Variants in AGBL4 observed in about 807,000 individuals in gnomAD.
AGBL4 encodes the protein AGBL carboxypeptidase 4, also known as cytosolic carboxypeptidase 6.
In AGBL4, 58 loss-of-function variants were observed where a neutral mutation model predicts 66.4. That is an observed-to-expected ratio of 0.87 (90% CI 0.71 to 1.09). The LOEUF (loss-of-function observed/expected upper bound fraction) is 1.09, where lower values mean the gene tolerates loss of function less well. Ranked by LOEUF, AGBL4 falls within the 50% of genes least tolerant of loss-of-function variation. The probability of loss-of-function intolerance (pLI) is 0.00; values close to 1 mark genes in which losing one functional copy is unlikely to be tolerated. For missense variants in AGBL4, 579 were observed against 631.0 expected, an observed-to-expected ratio of 0.92 and a Z score of 0.88; for synonymous variants, 234 against 222.9, an observed-to-expected ratio of 1.05 and a Z score of -0.44.
intron 3 of AGBL4, among the ~76,000 whole-genome samples, chr1:49,388,143 T>C (rs959290022): frequency 6.6e-6 from 1 of 152,162 alleles, no homozygotes; most frequent in African/African-American, 2.4e-5. Flanking sequence ...ACCATCATCC[T>C]ATGCCTCTTC....
intron 9 of AGBL4, among the ~76,000 whole-genome samples, chr1:48,598,555 T>A (rs1406424066): frequency 6.6e-6 from 1 of 151,766 alleles, no homozygotes; most frequent in African/African-American, 2.4e-5. Context: ...GGCAGGCGGA[T>A]CAATTGAGGT....
At chr1:49,333,117 T>G (rs1645366500) in intron 3 of AGBL4, among the ~76,000 whole-genome samples, 1 of 152,174 alleles carries the variant, frequency 6.6e-6, no homozygotes, top group Admixed American at 6.5e-5. Context: ...GGGCTTGTTT[T>G]GTTCTTGTAA....
At chr1:49,228,554 T>C (rs770561608) in intron 4 of AGBL4, among the ~76,000 whole-genome samples, 4 of 152,156 alleles carry the variant, frequency 2.6e-5, no homozygotes, top group African/African-American at 4.8e-5. Flanking sequence ...GCAAAGGGAA[T>C]AGCCAGTGCA....
chr1:49,602,481 G>T (rs947254842), intron 3 of AGBL4, among the ~76,000 whole-genome samples: 1 of 152,082 alleles, frequency 6.6e-6, no homozygotes, highest in Non-Finnish European at 1.5e-5. Flanking sequence ...AGAAAATGTG[G>T]CACATATATA....
intron 3 of AGBL4, among the ~76,000 whole-genome samples, chr1:49,474,981 G>C (rs1646818192): frequency 6.6e-6 from 1 of 152,018 alleles, no homozygotes; most frequent in Admixed American, 6.6e-5. Context: ...ACGTTGAATA[G>C]TAGTGGTGAA....
chr1:49,911,417 T>C (rs1049043148), intron 1 of AGBL4, among the ~76,000 whole-genome samples: 3 of 152,334 alleles, frequency 2.0e-5, no homozygotes, highest in Admixed American at 6.5e-5. Flanking sequence ...ATAGTCATTA[T>C]TGCAAGATAG....
chr1:49,967,108 T>G (rs1305887660), intron 1 of AGBL4, among the ~76,000 whole-genome samples: 1 of 152,142 alleles, frequency 6.6e-6, no homozygotes, highest in Non-Finnish European at 1.5e-5. Context: ...GTTGAACTAG[T>G]TTACACTCCC....
chr1:49,796,692 T>G (rs1384197864), intron 2 of AGBL4, among the ~76,000 whole-genome samples: 1 of 151,694 alleles, frequency 6.6e-6, no homozygotes, highest in Non-Finnish European at 1.5e-5. Context: ...AAAATAAATA[T>G]GCAGGTTATT....
chr1:49,133,775 A>G (rs573577599), intron 4 of AGBL4, among the ~76,000 whole-genome samples: 2 of 152,212 alleles, frequency 1.3e-5, no homozygotes, highest in South Asian at 4.1e-4. Flanking sequence ...ACATGCAAAA[A>G]TATTTGTTGC....
intron 5 of AGBL4, among the ~76,000 whole-genome samples, chr1:48,880,031 G>A (rs1017246258): frequency 1.3e-5 from 2 of 152,198 alleles, no homozygotes. Flanking sequence ...TAAGTTCTTT[G>A]GCGGTAATTT....
chr1:49,035,616 T>C (rs921602383), intron 5 of AGBL4, among the ~76,000 whole-genome samples: 6 of 152,124 alleles, frequency 3.9e-5, no homozygotes, highest in Non-Finnish European at 7.4e-5. Context: ...CAGTTTCAGG[T>C]GTTTTCTATT....
intron 7 of AGBL4, among the ~76,000 whole-genome samples, chr1:48,657,268 A>C (rs982134006): frequency 2.6e-5 from 4 of 152,236 alleles, no homozygotes; most frequent in Admixed American, 6.5e-5. Context: ...AGTGGTACAC[A>C]GTAAGAATAT....
chr1:48,866,320 C>A (rs962659827), intron 6 of AGBL4, among the ~76,000 whole-genome samples: 8 of 152,134 alleles, frequency 5.3e-5, no homozygotes, highest in Non-Finnish European at 8.8e-5. Flanking sequence ...AATTAGTCAT[C>A]CCCTGAGACC....
At chr1:48,906,991 T>G (rs1191549109) in intron 5 of AGBL4, among the ~76,000 whole-genome samples, 1 of 152,216 alleles carries the variant, frequency 6.6e-6, no homozygotes, top group Non-Finnish European at 1.5e-5. Context: ...GAATATGGTC[T>G]TGAGGTAAGA....
intron 4 of AGBL4, among the ~76,000 whole-genome samples, chr1:49,194,624 G>T (rs1647190150): frequency 6.6e-6 from 1 of 151,854 alleles, no homozygotes; most frequent in Non-Finnish European, 1.5e-5. Context: ...ACAGAGTCTT[G>T]CTCTGTCACC....
At chr1:49,122,632 A>G (rs1274842504) in intron 4 of AGBL4, among the ~76,000 whole-genome samples, 3 of 152,218 alleles carry the variant, frequency 2.0e-5, no homozygotes, top group Admixed American at 6.5e-5. Context: ...GAATCCAAGC[A>G]ACCTGCAGTT....
intron 3 of AGBL4, among the ~76,000 whole-genome samples, chr1:49,368,890 C>T (rs1243335339): frequency 6.6e-6 from 1 of 152,040 alleles, no homozygotes; most frequent in African/African-American, 2.4e-5. Context: ...GCCTGGGCAA[C>T]ATGGCAAAAC....
chr1:49,214,893 C>G (rs991081218), intron 4 of AGBL4, among the ~76,000 whole-genome samples: 1 of 152,148 alleles, frequency 6.6e-6, no homozygotes, highest in African/African-American at 2.4e-5. Flanking sequence ...AAGCAATTCT[C>G]AGTCTCTTTC....
chr1:48,563,969 C>G (rs1450562134), intron 11 of AGBL4, among the ~76,000 whole-genome samples: 1 of 152,172 alleles, frequency 6.6e-6, no homozygotes, highest in Non-Finnish European at 1.5e-5. Context: ...AGCCAGTGCT[C>G]CCACATTTGT....
Sources: gnomAD v4.1 joint callset for allele counts (sites outside exome capture counted in the v4.1 genomes callset) on GRCh38, gnomAD v4.1.1 for gene constraint, MANE v1.5 for transcripts, NCBI Gene and HGNC (gene_info 2026-07-23, HGNC 2026-07-21) for gene names.